Variants in EHMT2 observed in about 807,000 individuals in gnomAD.
EHMT2 encodes the protein euchromatic histone lysine methyltransferase 2, also known as histone-lysine N-methyltransferase EHMT2.
In EHMT2, 59 loss-of-function variants were observed where a neutral mutation model predicts 143.3. The observed-to-expected ratio is 0.41, with a 90% confidence interval of 0.33 to 0.51. The LOEUF (loss-of-function observed/expected upper bound fraction) is 0.51. Ranked by LOEUF, EHMT2 falls within the 20% of genes least tolerant of loss-of-function variation. EHMT2 has a pLI of 0.18. For missense variants in EHMT2, 1,174 were observed against 1,645.9 expected (o/e 0.71, Z 4.96); for synonymous variants, 604 against 651.5 (o/e 0.93, Z 1.11).
At chr6:31,897,654 T>C (rs868600151) in exon 1 of EHMT2, 21 of 1,165,860 alleles carry the variant, frequency 1.8e-5, no homozygotes, top group Non-Finnish European at 2.1e-5. Flanking sequence ...CCGCCGCCGC[T>C]GCAGCTCCCG....
In EHMT2 at chr6:31,897,219, AGAG is replaced by A. The variant is rs1399897840; in HGVS notation, c.43-233_43-231del. 21 of 1,233,728 alleles carry A rather than the reference AGAG, an allele frequency of 1.7e-5. No homozygotes were observed. The African/African-American group carries it at 2.4e-4, about 14-fold the overall frequency. The allele number at this position is 1,233,728 out of a possible 1,614,324, so 76.4% of individuals were successfully genotyped here. ...ACCCCGCATCTCTGGGGCCGAGAGA[AGAG>A]GAGGGGGAGGGGGCGGGGCCTCCGC... On this transcript the variant is annotated intron_variant, in intron 1 of 27. Transcript: ENST00000375537.
At position 31,888,528 on chromosome 6, in the gene EHMT2, G is replaced by A; in HGVS notation, c.1366-22C>T. The A allele has an allele frequency of 6.2e-7, 1 of 1,611,038 alleles. No individual in the cohort carries two copies. Among genetic ancestry groups the A allele is most frequent in the Non-Finnish European group, 8.5e-7 (1 of 1,179,100 alleles). ...ACAGCTGTGCGCAGTGAGGATGGGT[G>A]AGAAGAGAGCGTGAGGCTGGGGCCG... On this transcript the variant is annotated intron_variant, in intron 11 of 27. Coordinates refer to ENST00000375537, the Ensembl canonical transcript of EHMT2. This position sits in a 1 kb window ranked among gnomAD's most constrained non-coding sequence, Gnocchi z 7.4.
rs1581895115 is a variant in EHMT2, at chr6:31,884,282, A to T, written c.2771+110T>A. On this transcript the variant is annotated intron_variant, in intron 21 of 27. Transcript: ENST00000375537. The surrounding 1 kb of genome is among the most constrained non-coding windows in gnomAD (Gnocchi z 7.3). ...GGCCTGTGGGTGGTTCTGGGGATTC[A>T]GTGGTGCATGGGGAGGGGTTGGGGA... 7.8e-7 allele frequency: 1 copy of T among 1,274,258 alleles called. No individual in the cohort carries two copies. Among genetic ancestry groups the T allele is most frequent in the Non-Finnish European group, 1.1e-6 (1 of 944,600 alleles). 78.9% of individuals were successfully genotyped at this position (1,274,258 alleles called of 1,614,324 possible).
At position 31,884,538 on chromosome 6, in the gene EHMT2, G is replaced by A. The variant is rs1320409014; in HGVS notation, c.2625C>T (p.Ala875=). The change falls in exon 21 of 28, where the codon GCC becomes GCT. Residue 875 remains alanine (A), a synonymous_variant. Transcript: ENST00000375537. The surrounding 1 kb of genome is among the most constrained non-coding windows in gnomAD (Gnocchi z 7.3). ...CCTCTTTGTTCCGCAGCTCAGGGTT[G>A]GCCCCACGTGACAGGAATAACCTGA... The A allele has an allele frequency of 6.2e-7, 1 of 1,612,816 alleles. No homozygotes were observed. Among genetic ancestry groups the A allele is most frequent in the Non-Finnish European group, 8.5e-7 (1 of 1,180,004 alleles).
rs1765272442 is a variant in EHMT2, at chr6:31,888,819, C to T, written c.1217-72G>A. On this transcript the variant is annotated intron_variant, in intron 10 of 27. Coordinates refer to ENST00000375537, the Ensembl canonical transcript of EHMT2. This position sits in a 1 kb window ranked among gnomAD's most constrained non-coding sequence, Gnocchi z 7.4. ...TACTGGGACCCCTGGCGGGTCCTCTCACTCCCTCCCTACCCCACCCCGCCA... is the reference window on the plus strand; with the variant it reads ...TACTGGGACCCCTGGCGGGTCCTCTTACTCCCTCCCTACCCCACCCCGCCA... 1.3e-6 allele frequency: 2 copies of T among 1,567,372 alleles called. No individual in the cohort carries two copies. Among genetic ancestry groups the T allele is most frequent in the South Asian group, 2.3e-5 (2 of 85,850 alleles).
intron 4 of EHMT2, among the ~76,000 whole-genome samples, chr6:31,894,106 C>T (rs1323374163): frequency 2.0e-5 from 3 of 151,872 alleles, no homozygotes; most frequent in African/African-American, 7.3e-5. Flanking sequence ...TCCTGAGTAG[C>T]TGGAACTACA....
chr6:31,883,995 T>G lies in EHMT2; in HGVS notation c.2772-45A>C. Reference sequence around the variant, plus strand: ...GGGGCTGGGAAGCTGGAAAAGGGGGTGAGGAGCTACTCCAGGTATAAGGAA... The same window carrying G: ...GGGGCTGGGAAGCTGGAAAAGGGGGGGAGGAGCTACTCCAGGTATAAGGAA... On this transcript the variant is annotated intron_variant, in intron 21 of 27. Coordinates refer to ENST00000375537, the Ensembl canonical transcript of EHMT2. The surrounding 1 kb of genome is among the most constrained non-coding windows in gnomAD (Gnocchi z 5.6). 6.2e-7 allele frequency: 1 copy of G among 1,600,372 alleles called. No individual in the cohort carries two copies. The highest frequency in any genetic ancestry group is 8.5e-7 in the Non-Finnish European group (1 of 1,172,340).
In EHMT2 at chr6:31,888,256, G is replaced by A; in HGVS notation, c.1530C>T (p.His510=). 1 of 1,612,934 alleles carries A rather than the reference G, an allele frequency of 6.2e-7. No individual in the cohort carries two copies. Among genetic ancestry groups the A allele is most frequent in the Non-Finnish European group, 8.5e-7 (1 of 1,179,948 alleles). ...AGCGGTGGGCCACACGGAAGTCAGG[G>A]TGGCACTCCAGGAAGGTGCCCTGGG... Residue 510 remains histidine, a synonymous_variant, in exon 13 of 28, where the codon CAC becomes CAT. Transcript: ENST00000375537. The surrounding 1 kb of genome is among the most constrained non-coding windows in gnomAD (Gnocchi z 7.4).
intron 18 of EHMT2, chr6:31,885,701 C>G (rs141689302): frequency 6.6e-6 from 1 of 152,198 alleles, no homozygotes; most frequent in African/African-American, 2.4e-5. Context: ...GTACTTCAGC[C>G]TGGGTGACAT....
intron 15 of EHMT2, 145 bp downstream of exon 15, chr6:31,887,425 CGTTATGG>C: frequency 1.4e-6 from 1 of 698,752 alleles, no homozygotes; most frequent in Admixed American, 2.5e-5. Flanking sequence ...ACATCCCCAT[CGTTATGG>C]GTTACATGTG....
chr6:31,880,134 G>A lies in EHMT2; in HGVS notation c.3583C>T (p.His1195Tyr). 1 of 1,612,998 alleles carries A rather than the reference G, an allele frequency of 6.2e-7. No homozygotes were observed. The highest frequency in any genetic ancestry group is 8.5e-7 in the Non-Finnish European group (1 of 1,180,016). Residue 1195 changes from histidine to tyrosine, a missense_variant, in exon 28 of 28, where the codon CAC becomes TAC. Around this residue, in one of 6 missense-constraint regions of EHMT2, gnomAD observed 42 missense variants for 45.1 expected, o/e 0.93. Transcript: ENST00000375537. The surrounding 1 kb of genome is among the most constrained non-coding windows in gnomAD (Gnocchi z 6.6). ...CCGAGCTCGGGCAGCAGCTCAGGGT[G>A]TGGGTCCAGGCGGGCCAGACGGCTC...
chr6:31,882,087 A>G (rs1764174408), intron 25 of EHMT2, among the ~76,000 whole-genome samples: 1 of 151,670 alleles, frequency 6.6e-6, no homozygotes. Flanking sequence ...CTTGGGCAAC[A>G]AGAGTGAAAC....
At chr6:31,896,872 G>C in intron 2 of EHMT2, 48 bp from the exon 3 acceptor site, 1 of 1,612,230 alleles carries the variant, frequency 6.2e-7, no homozygotes. Flanking sequence ...AGGAGATCCT[G>C]TGTTTAGGGA....
rs780275340 is a variant in EHMT2, at chr6:31,881,026, G to A, written c.3264C>T (p.Asp1088=). Residue 1088 remains aspartate, a synonymous_variant, in exon 26 of 28, where the codon GAC becomes GAT. Coordinates refer to ENST00000375537, the Ensembl canonical transcript of EHMT2. The surrounding 1 kb of genome is among the most constrained non-coding windows in gnomAD (Gnocchi z 4.8). ...GTCTCCTGCTCACCTTGTTGTCTAAGTCGAAGAGGTAAGAATCATCCTCTC... is the reference window on the plus strand; with the variant it reads ...GTCTCCTGCTCACCTTGTTGTCTAAATCGAAGAGGTAAGAATCATCCTCTC... The A allele has an allele frequency of 1.2e-6, 2 of 1,612,908 alleles. No individual in the cohort carries two copies. Among genetic ancestry groups the A allele is most frequent in the Non-Finnish European group, 8.5e-7 (1 of 1,180,002 alleles).
Position 31,882,597 on chromosome 6 carries a change from C to T in EHMT2, c.3197+102G>A, listed in dbSNP as rs980638991. The T allele has an allele frequency of 1.3e-5, 15 of 1,153,070 alleles. No homozygotes were observed. In the African/African-American group the frequency reaches 2.0e-4, roughly 15 times the overall value. 71.4% of individuals were successfully genotyped at this position (1,153,070 alleles called of 1,614,324 possible). ...TGGCTGGAGAGTGGCCAGATGGAGA[C>T]ATGTGACTCATCAGGGCAGATGGCT... On this transcript the variant is annotated intron_variant, in intron 25 of 27. Coordinates refer to ENST00000375537, the Ensembl canonical transcript of EHMT2.
chr6:31,892,337 A>C (rs2151645321), intron 7 of EHMT2, 70 bp downstream of exon 7: 1 of 1,528,568 alleles, frequency 6.5e-7, no homozygotes, highest in Non-Finnish European at 8.9e-7. Flanking sequence ...ACAGGGAACA[A>C]GGAGGACTGG....
Position 31,896,503 on chromosome 6 carries a change from CTT to C in EHMT2, c.340_341del (p.Lys114ValfsTer14). On this transcript the variant is annotated frameshift_variant, in exon 4 of 28. Transcript: ENST00000375537. LOFTEE classifies it high-confidence loss of function. ...CCTTGCTGGGGGAAGAGGGGAATGA[CTT>C]TGTGGCATGGCCTAGAAAACAGGCA... The C allele has an allele frequency of 6.2e-7, 1 of 1,612,844 alleles. No homozygotes were observed. Among genetic ancestry groups the C allele is most frequent in the Non-Finnish European group, 8.5e-7 (1 of 1,179,886 alleles).
chr6:31,895,620 A>G (rs1331370929), intron 4 of EHMT2: 1 of 152,204 alleles, frequency 6.6e-6, no homozygotes, highest in Non-Finnish European at 1.5e-5. Context: ...ACATAGTGAA[A>G]CTGTCTTCAA....
At position 31,884,943 on chromosome 6, in the gene EHMT2, G is replaced by A. The variant is rs1249877239; in HGVS notation, c.2417C>T (p.Thr806Met). Residue 806 changes from threonine to methionine, a missense_variant, in exon 19 of 28, where the codon ACG (threonine) becomes ATG (methionine). This residue lies in a region of EHMT2 where 608 missense variants were observed against 903.7 expected (regional missense o/e 0.67). Transcript: ENST00000375537. This position sits in a 1 kb window ranked among gnomAD's most constrained non-coding sequence, Gnocchi z 7.3. ...AGTGAGGGTGACGTCGGCGCCCCGC[G>A]TCAGTAGCATGCGGATCACCTCGAT... 1.9e-6 allele frequency: 3 copies of A among 1,609,362 alleles called. No individual in the cohort carries two copies. Among genetic ancestry groups the A allele is most frequent in the Non-Finnish European group, 1.7e-6 (2 of 1,176,654 alleles).
Sources: gnomAD v4.1 joint callset for allele counts (sites outside exome capture counted in the v4.1 genomes callset) on GRCh38, gnomAD v4.1.1 for gene constraint, gnomAD v4.1.1 regional missense constraint, Gnocchi (gnomAD v3.1) non-coding constraint, MANE v1.5 for transcripts, NCBI Gene and HGNC (gene_info 2026-07-23, HGNC 2026-07-21) for gene names.